Variants in F7 observed in about 807,000 individuals in gnomAD.
F7 encodes coagulation factor VII, also known as FVII coagulation protein.
In F7, 38 loss-of-function variants were observed where a neutral mutation model predicts 47.5. That is an observed-to-expected ratio of 0.80 (90% CI 0.62 to 1.05). The LOEUF (loss-of-function observed/expected upper bound fraction) is 1.05. F7 is among the 50% of genes least tolerant of loss of function. The pLI, the probability that F7 is intolerant of heterozygous loss-of-function variation, is 0.00. For synonymous variants in F7, 244 were observed against 258.5 expected (o/e 0.94, Z 0.54); for missense variants, 575 against 605.4 (o/e 0.95, Z 0.53).
At chr13:113,112,315 A>ACACCTCACACTCACAGGT (rs2036116945) in intron 2 of F7, among the ~76,000 whole-genome samples, 2 of 140,948 alleles carry the variant, frequency 1.4e-5, no homozygotes, top group African/African-American at 5.5e-5. Flanking sequence ...CTCTCACAGG[A>ACACCTCACACTCACAGGT]CACCTCACAC....
In F7 at chr13:113,118,546, C is replaced by T; in HGVS notation, c.873C>T (p.Val291=). Reference sequence around the variant, plus strand: ...TGCTCCGCCTGCACCAGCCCGTGGTCCTCACTGACCATGTGGTGCCCCTCT... The same window carrying T: ...TGCTCCGCCTGCACCAGCCCGTGGTTCTCACTGACCATGTGGTGCCCCTCT... ...IALLRLHQPV[V]LTDHVVPLCL... The change falls in exon 8 of 8, where the codon GTC becomes GTT. Residue 291 remains valine, a synonymous_variant. Coordinates refer to ENST00000346342, the MANE Select transcript of F7 (RefSeq NM_019616.4). The T allele has an allele frequency of 6.2e-7, 1 of 1,612,526 alleles. No individual in the cohort carries two copies. The highest frequency in any genetic ancestry group is 8.5e-7 in the Non-Finnish European group (1 of 1,179,878).
chr13:113,106,000 G>A (rs1005385903), intron 1 of F7, 95 bp downstream of exon 1: 23 of 1,105,590 alleles, frequency 2.1e-5, no homozygotes, highest in Middle Eastern at 2.8e-4. Flanking sequence ...CCCTTGCTCC[G>A]GACACCCCCA....
intron 1 of F7, chr13:113,106,847 G>C (rs138470706): frequency 6.2e-7 from 1 of 1,600,522 alleles, no homozygotes; most frequent in Non-Finnish European, 8.5e-7. Context: ...TGCCCCAGGC[G>C]GGGTCGCTAA....
rs2036258724 is a variant in F7 at position 113,119,280 on chromosome 13, G to A, written c.*272G>A. The stretch of plus-strand genomic sequence containing the variant: ...GATGGAATAGAAAAGATGAGAGGCA[G>A]AGGCAGACAGGCGCTGGACAGAGGG... On this transcript the variant is annotated 3_prime_UTR_variant, in exon 8 of 8. Coordinates refer to ENST00000346342, the MANE Select transcript of F7 (RefSeq NM_019616.4). 2.0e-6 allele frequency: 1 copy of A among 505,582 alleles called. No individual in the cohort carries two copies. Among genetic ancestry groups the A allele is most frequent in the Non-Finnish European group, 3.5e-6 (1 of 282,896 alleles). The allele number at this position is 505,582 out of a possible 1,614,324, so 31.3% of individuals were successfully genotyped here.
intron 2 of F7, among the ~76,000 whole-genome samples, chr13:113,112,205 C>T (rs112001718): frequency 0.024 from 3,564 of 149,284 alleles, 143 homozygotes; most frequent in African/African-American, 0.083. Context: ...GGACACCTCA[C>T]ACAGGACACC....
chr13:113,118,664 A>C lies in F7; in HGVS notation c.991A>C (p.Thr331Pro), dbSNP rs774298365. 1 of 1,612,534 alleles carries C rather than the reference A, an allele frequency of 6.2e-7. No homozygotes were observed. The highest frequency in any genetic ancestry group is 1.1e-5 in the South Asian group (1 of 91,062). ...GGGCCAGCTGCTGGACCGTGGCGCC[A>C]CGGCCCTGGAGCTCATGGTCCTCAA... ...GWGQLLDRGA[T>P]ALELMVLNVP... The change falls in exon 8 of 8, where the codon ACG (threonine) becomes CCG (proline). Residue 331 changes from threonine to proline, a missense_variant. Physicochemically the swap from Thr to Pro is conservative, Grantham distance 38 (BLOSUM62 -1). Coordinates refer to ENST00000346342, the MANE Select transcript of F7 (RefSeq NM_019616.4).
At chr13:113,118,389 C>A in intron 7 of F7, 24 bp from the exon 8 acceptor site, 1 of 1,576,714 alleles carries the variant, frequency 6.3e-7, no homozygotes, top group Non-Finnish European at 8.6e-7. Context: ...TGGAAAGGGC[C>A]TGAGGGGGGC....
chr13:113,108,791 TGTGGGTGTC>T (rs1566905754), intron 1 of F7, among the ~76,000 whole-genome samples: 16 of 20,776 alleles, frequency 7.7e-4, no homozygotes, highest in East Asian at 5.4e-3. Flanking sequence ...GTCCCAGGGG[TGTGGGTGTC>T]CCGGGGGCGT....
chr13:113,115,265 G>T (rs2036173965), intron 4 of F7, among the ~76,000 whole-genome samples: 1 of 152,192 alleles, frequency 6.6e-6, no homozygotes, highest in African/African-American at 2.4e-5. Flanking sequence ...CAGCTCTCTG[G>T]TCCTCTCGTC....
chr13:113,118,769 T>A lies in F7; in HGVS notation c.1096T>A (p.Phe366Ile). 1 of 1,613,248 alleles carries A rather than the reference T, an allele frequency of 6.2e-7. No homozygotes were observed. The highest frequency in any genetic ancestry group is 8.5e-7 in the Non-Finnish European group (1 of 1,179,994). Residue 366 changes from phenylalanine (F) to isoleucine (I), a missense_variant, in exon 8 of 8, where the codon TTC becomes ATC. Phe to Ile is a conservative substitution (Grantham distance 21). Coordinates refer to ENST00000346342, the MANE Select transcript of F7 (RefSeq NM_019616.4). ...GDSPNITEYM[F>I]CAGYSDGSKD... The stretch of plus-strand genomic sequence containing the variant: ...CTCCCCAAATATCACGGAGTACATG[T>A]TCTGTGCCGGCTACTCGGATGGCAG...
chr13:113,119,292 C>A lies in F7; in HGVS notation c.*284C>A. Reference sequence around the variant, plus strand: ...AAGATGAGAGGCAGAGGCAGACAGGCGCTGGACAGAGGGGCAGGGGAGTGC... The same window carrying A: ...AAGATGAGAGGCAGAGGCAGACAGGAGCTGGACAGAGGGGCAGGGGAGTGC... On this transcript the variant is annotated 3_prime_UTR_variant, in exon 8 of 8. Transcript: ENST00000346342. 2.1e-6 allele frequency: 1 copy of A among 481,946 alleles called. No homozygotes were observed. Among genetic ancestry groups the A allele is most frequent in the Non-Finnish European group, 3.7e-6 (1 of 268,136 alleles). The allele number at this position is 481,946 out of a possible 1,614,324, so 29.9% of individuals were successfully genotyped here. A position where few individuals can be genotyped will look rare whatever the true frequency, so the allele number is the denominator to read the frequency against.
At chr13:113,115,306 A>G (rs3093243) in intron 4 of F7, among the ~76,000 whole-genome samples, 1 of 152,066 alleles carries the variant, frequency 6.6e-6, no homozygotes, top group African/African-American at 2.4e-5. Flanking sequence ...AGTCCCTTGG[A>G]CACTTTTACC....
intron 1 of F7, among the ~76,000 whole-genome samples, chr13:113,109,789 C>CG (rs2036053992): frequency 6.6e-6 from 1 of 152,136 alleles, no homozygotes; most frequent in Non-Finnish European, 1.5e-5. Flanking sequence ...CGCCCCGGGG[C>CG]GGGGGTCACT....
chr13:113,116,072 C>T (rs911335042), intron 5 of F7, among the ~76,000 whole-genome samples: 11 of 152,250 alleles, frequency 7.2e-5, no homozygotes, highest in Non-Finnish European at 1.0e-4. Flanking sequence ...CACTATCTCA[C>T]GTCCAACTCC....
At position 113,117,580 on chromosome 13, in the gene F7, C is replaced by A; in HGVS notation, c.723C>A (p.Asn241Lys). 1.2e-6 allele frequency: 2 copies of A among 1,614,116 alleles called. No homozygotes were observed. Among genetic ancestry groups the A allele is most frequent in the South Asian group, 2.2e-5 (2 of 91,078 alleles). The change falls in exon 7 of 8, where the codon AAC becomes AAA. Residue 241 changes from asparagine to lysine, a missense_variant. Asn to Lys is a moderately conservative substitution (Grantham distance 94). Transcript: ENST00000346342. ...HCFDKIKNWR[N>K]LIAVLGEHDL... The stretch of plus-strand genomic sequence containing the variant: ...TCGACAAAATCAAGAACTGGAGGAA[C>A]CTGATCGCGGTGCTGGGTGGGTACC...
At chr13:113,115,574 T>C in intron 4 of F7, 86 bp from the exon 5 acceptor site, 1 of 1,490,114 alleles carries the variant, frequency 6.7e-7, no homozygotes, top group Non-Finnish European at 9.2e-7. Context: ...AGAACACCAC[T>C]GCTGACCCAG....
Position 113,118,406 on chromosome 13 carries a change from C to T in F7, c.740-7C>T, listed in dbSNP as rs1405793599. 1 of 1,587,280 alleles carries T rather than the reference C, an allele frequency of 6.3e-7. No homozygotes were observed. The highest frequency in any genetic ancestry group is 8.6e-7 in the Non-Finnish European group (1 of 1,167,182). ...GAAAGGGCCTGAGGGGGGCTTCTTC[C>T]TTCCAGGCGAGCACGACCTCAGCGA... On this transcript the variant is annotated splice_polypyrimidine_tract_variant and splice_region_variant and intron_variant, in intron 7 of 7. Transcript: ENST00000346342.
At chr13:113,108,628 T>C (rs2036019738) in intron 1 of F7, among the ~76,000 whole-genome samples, 1 of 98,870 alleles carries the variant, frequency 1.0e-5, no homozygotes, top group Non-Finnish European at 2.0e-5. Flanking sequence ...AGTGTGGGTG[T>C]CCCGGGGGCG....
chr13:113,108,518 C>T (rs866903981), intron 1 of F7, among the ~76,000 whole-genome samples: 3 of 12,158 alleles, frequency 2.5e-4, no homozygotes, highest in African/African-American at 4.1e-4. Flanking sequence ...GTCCCGGGAG[C>T]GTGGGTGTCC....
Sources: gnomAD v4.1 joint callset for allele counts (sites outside exome capture counted in the v4.1 genomes callset) on GRCh38, gnomAD v4.1.1 for gene constraint, MANE v1.5 for transcripts, NCBI Gene and HGNC (gene_info 2026-07-23, HGNC 2026-07-21) for gene names.